Variants in RDX observed in about 807,000 individuals in gnomAD.
The protein encoded by RDX is radixin, also known as deafness, autosomal recessive 24.
A neutral mutation model predicts 83.7 loss-of-function variants in RDX; 32 were observed. That is an observed-to-expected ratio of 0.38 (90% confidence interval 0.29 to 0.51). The LOEUF (loss-of-function observed/expected upper bound fraction) is 0.51, where lower values mean the gene tolerates loss of function less well. Among genes scored for constraint, RDX ranks in the 20% least tolerant of loss-of-function variants. RDX has a pLI of 0.87. For synonymous variants in RDX, 229 were observed against 222.7 expected (o/e 1.03, Z -0.25); for missense variants, 600 against 689.9 (o/e 0.87, Z 1.46).
At chr11:110,278,789 G>T (rs746679240) in intron 2 of RDX, among the ~76,000 whole-genome samples, 1 of 148,896 alleles carries the variant, frequency 6.7e-6, no homozygotes, top group East Asian at 2.0e-4. Context: ...AGTGTTATCC[G>T]TGCTAGAAAA....
chr11:110,282,013 C>A (rs1200494350), intron 1 of RDX, among the ~76,000 whole-genome samples: 1 of 150,564 alleles, frequency 6.6e-6, no homozygotes, highest in Non-Finnish European at 1.5e-5. Flanking sequence ...AATGCTTGAG[C>A]CTGGGAAGTG....
downstream of RDX, among the ~76,000 whole-genome samples, chr11:110,226,185 C>T (rs182444763): frequency 4.1e-4 from 63 of 151,982 alleles, no homozygotes; most frequent in African/African-American, 1.4e-3. Context: ...CACCAATGTT[C>T]AAAGCAGCAA....
At chr11:110,236,980 A>G (rs1276887856) in intron 11 of RDX, among the ~76,000 whole-genome samples, 3 of 152,150 alleles carry the variant, frequency 2.0e-5, no homozygotes, top group Non-Finnish European at 4.4e-5. Context: ...ACACATACAT[A>G]GCAAGTACAT....
chr11:110,294,638 G>C (rs1050824167), intron 1 of RDX, among the ~76,000 whole-genome samples: 3 of 151,960 alleles, frequency 2.0e-5, no homozygotes, highest in Non-Finnish European at 4.4e-5. Context: ...CAGCAAGGGA[G>C]GGAAACAACA....
chr11:110,288,745 A>G (rs751382355), intron 1 of RDX, among the ~76,000 whole-genome samples: 6 of 152,208 alleles, frequency 3.9e-5, no homozygotes, highest in Non-Finnish European at 5.9e-5. Flanking sequence ...AAAAACTGAT[A>G]CAATGCCTGG....
chr11:110,217,506 A>T (rs1864097670), intron 14 of RDX, among the ~76,000 whole-genome samples: 1 of 152,204 alleles, frequency 6.6e-6, no homozygotes, highest in Non-Finnish European at 1.5e-5. Context: ...ACGTACACAA[A>T]GTACATCTTA....
In RDX at chr11:110,281,845, G is replaced by A. The variant is rs190643158; in HGVS notation, c.-64-2089C>T. On this transcript the variant is annotated intron_variant, in intron 1 of 13. Coordinates refer to ENST00000645495, the MANE Select transcript of RDX (RefSeq NM_002906.4). ...CTCCAGGCCAGGCGCGATAGCTCAC[G>A]TGTGTAATTCCAGCAATTTGAGAAG... 8.8e-3 allele frequency among the ~76,000 whole-genome samples: 1,325 copies of A among 149,750 alleles called. 12 individuals carry two copies. The highest frequency in any genetic ancestry group is 0.017 in the South Asian group (76 of 4,586).
intron 1 of RDX, among the ~76,000 whole-genome samples, chr11:110,295,198 C>G (rs1442451180): frequency 6.6e-6 from 1 of 151,508 alleles, no homozygotes; most frequent in Non-Finnish European, 1.5e-5. Context: ...TTCTCAAATC[C>G]AGTGATGCTG....
At chr11:110,289,122 C>A (rs1861110314) in intron 1 of RDX, among the ~76,000 whole-genome samples, 1 of 151,358 alleles carries the variant, frequency 6.6e-6, no homozygotes, top group African/African-American at 2.4e-5. Flanking sequence ...CCTGTAATCC[C>A]AGCTACTTGA....
chr11:110,199,778 T>A (rs1863339138), intron 14 of RDX: 1 of 696,324 alleles, frequency 1.4e-6, no homozygotes, highest in Non-Finnish European at 2.6e-6. Flanking sequence ...CATTGCAACA[T>A]CAGGGCGCTC....
intron 14 of RDX, among the ~76,000 whole-genome samples, chr11:110,213,072 T>G (rs1281609956): frequency 6.6e-6 from 1 of 151,410 alleles, no homozygotes; most frequent in African/African-American, 2.4e-5. Flanking sequence ...AACATGATTG[T>G]ATATCTAGAA....
intron 15 of RDX, among the ~76,000 whole-genome samples, chr11:110,198,446 G>A (rs1565286492): frequency 6.6e-6 from 1 of 152,172 alleles, no homozygotes; most frequent in Non-Finnish European, 1.5e-5. Flanking sequence ...CCTGGGCCGA[G>A]GACCAGTACC....
At chr11:110,183,910 CT>C (rs1471024260) in intron 15 of RDX, among the ~76,000 whole-genome samples, 1 of 152,236 alleles carries the variant, frequency 6.6e-6, no homozygotes, top group Non-Finnish European at 1.5e-5. Flanking sequence ...GCTATCGATG[CT>C]TAGGACTAGG....
At chr11:110,292,842 T>C (rs1861300200) in intron 1 of RDX, among the ~76,000 whole-genome samples, 1 of 152,200 alleles carries the variant, frequency 6.6e-6, no homozygotes, top group South Asian at 2.1e-4. Flanking sequence ...TCTAAGGAGT[T>C]GGCAAACTTT....
intron 14 of RDX, among the ~76,000 whole-genome samples, chr11:110,215,047 A>ATAT (rs1555033344): frequency 6.0e-5 from 7 of 116,054 alleles, no homozygotes; most frequent in African/African-American, 2.2e-4. Context: ...AAAAAAAAAA[A>ATAT]AAATATATAT....
chr11:110,271,039 G>C (rs760185416), intron 3 of RDX, among the ~76,000 whole-genome samples: 13 of 152,180 alleles, frequency 8.5e-5, no homozygotes, highest in Non-Finnish European at 5.9e-5. Context: ...GAAAAAAGTG[G>C]AGATTGGTTC....
At chr11:110,191,113 C>T (rs910837619) in intron 15 of RDX, among the ~76,000 whole-genome samples, 8 of 152,166 alleles carry the variant, frequency 5.3e-5, no homozygotes, top group Non-Finnish European at 1.2e-4. Context: ...AACCCTGATA[C>T]TAACACCTGG....
intron 1 of RDX, among the ~76,000 whole-genome samples, chr11:110,295,626 G>A (rs1861417492): frequency 7.0e-6 from 1 of 143,272 alleles, no homozygotes; most frequent in South Asian, 2.2e-4. Flanking sequence ...AGGAAGTGAT[G>A]TAGTCTGTTT....
intron 7 of RDX, among the ~76,000 whole-genome samples, 158 bp from the exon 8 acceptor site, chr11:110,255,543 G>C (rs948637667): frequency 6.6e-6 from 1 of 152,060 alleles, no homozygotes; most frequent in African/African-American, 2.4e-5. Flanking sequence ...CTTTTAAGGG[G>C]AAAACTGATA....
Sources: gnomAD v4.1 joint callset for allele counts (sites outside exome capture counted in the v4.1 genomes callset) on GRCh38, gnomAD v4.1.1 for gene constraint, MANE v1.5 for transcripts, NCBI Gene and HGNC (gene_info 2026-07-23, HGNC 2026-07-21) for gene names.